The following ARHGEF28 variants were observed in gnomAD, a reference collection of about 807,000 sequenced individuals.
The protein encoded by ARHGEF28 is 190 kDa guanine nucleotide exchange factor.
In ARHGEF28, 152 loss-of-function variants were observed where a neutral mutation model predicts 206.6. The ratio of observed to expected loss-of-function variants is 0.74; its 90% CI spans 0.64 to 0.84. The LOEUF is 0.84. Ranked by LOEUF, ARHGEF28 falls within the 40% of genes least tolerant of loss-of-function variation. ARHGEF28 has a pLI of 0.00. For missense variants in ARHGEF28, 2,028 were observed against 2,073.2 expected (o/e 0.98, Z 0.42); for synonymous variants, 763 against 776.4 (o/e 0.98, Z 0.29).
chr5:73,877,420 C>T (rs1262391232), intron 22 of ARHGEF28, among the ~76,000 whole-genome samples: 21 of 148,554 alleles, frequency 1.4e-4, no homozygotes, highest in Non-Finnish European at 2.7e-4. Flanking sequence ...TCTCTATTTC[C>T]TTCAGTTCTG....
intron 2 of ARHGEF28, among the ~76,000 whole-genome samples, chr5:73,743,550 A>G (rs867996910): frequency 6.6e-6 from 1 of 152,208 alleles, no homozygotes; most frequent in African/African-American, 2.4e-5. Context: ...GCATTCTGAT[A>G]TTTCCCCCTG....
At chr5:73,666,674 A>G (rs949992820) in intron 1 of ARHGEF28, among the ~76,000 whole-genome samples, 4 of 152,206 alleles carry the variant, frequency 2.6e-5, no homozygotes, top group Non-Finnish European at 5.9e-5. Flanking sequence ...TTTATTTCTC[A>G]TAAAGGGTTG....
chr5:73,715,721 C>A (rs970447166), intron 2 of ARHGEF28, among the ~76,000 whole-genome samples: 1 of 152,148 alleles, frequency 6.6e-6, no homozygotes, highest in African/African-American at 2.4e-5. Flanking sequence ...TAGAAGATGC[C>A]AGGTACCTGC....
intron 1 of ARHGEF28, among the ~76,000 whole-genome samples, chr5:73,680,434 CAAAAAAAAAAAA>C (rs71615795): frequency 2.0e-4 from 6 of 30,514 alleles, no homozygotes; most frequent in South Asian, 2.3e-3. Context: ...GACTCCATCT[CAAAAAAAAAAAA>C]AAAAAAAAAA....
intron 9 of ARHGEF28, 97 bp from the exon 10 acceptor site, chr5:73,832,241 C>T: frequency 7.1e-7 from 1 of 1,405,468 alleles, no homozygotes; most frequent in Non-Finnish European, 9.5e-7. Flanking sequence ...TTAAAAAATG[C>T]ACTTGACTTT....
At chr5:73,770,695 T>C in intron 4 of ARHGEF28, among the ~76,000 whole-genome samples, 1 of 152,234 alleles carries the variant, frequency 6.6e-6, no homozygotes, top group East Asian at 1.9e-4. Flanking sequence ...TTTGCCTCGC[T>C]CTGCACTCTG....
chr5:73,752,217 C>A lies in ARHGEF28; in HGVS notation c.182-692C>A, dbSNP rs6893492. Among the ~76,000 whole-genome samples the A allele has an allele frequency of 5.3e-3, 811 of 152,088 alleles. 8 individuals carry two copies. Among genetic ancestry groups the A allele is most frequent in the African/African-American group, 0.015 (613 of 41,488 alleles). ...CTGGGTAAGAGCTTCCCAGCTCTGG[C>A]AAAATAAGAGAGTGGGGCAAAGAAG... On this transcript the variant is annotated intron_variant, in intron 3 of 35. Transcript: ENST00000513042.
chr5:73,931,465 T>C (rs1764113301), intron 35 of ARHGEF28, among the ~76,000 whole-genome samples: 1 of 152,200 alleles, frequency 6.6e-6, no homozygotes, highest in Non-Finnish European at 1.5e-5. Flanking sequence ...TAACTGTTGC[T>C]GGTTGGAAAT....
intron 1 of ARHGEF28, among the ~76,000 whole-genome samples, chr5:73,669,458 T>C (rs1231054908): frequency 6.6e-6 from 1 of 152,222 alleles, no homozygotes; most frequent in Non-Finnish European, 1.5e-5. Context: ...GGAAACATTT[T>C]ATAAAACTAT....
chr5:73,795,818 A>G (rs911597653), intron 9 of ARHGEF28, among the ~76,000 whole-genome samples: 3 of 152,248 alleles, frequency 2.0e-5, no homozygotes, highest in Admixed American at 6.5e-5. Flanking sequence ...TCCCATTTTG[A>G]TGCCCAGTGG....
rs142784061 is a variant in ARHGEF28, at chr5:73,659,662, A to G, written c.-11-25179A>G. Among the ~76,000 whole-genome samples the G allele has an allele frequency of 4.1e-3, 621 of 152,342 alleles. 1 individual carries two copies. Among genetic ancestry groups the G allele is most frequent in the South Asian group, 0.025 (122 of 4,830 alleles). Reference sequence around the variant, plus strand: ...TACTGATTAAGTAATGACCTTATACAGGCATATCTTGAAGATATTACAATT... The same window carrying G: ...TACTGATTAAGTAATGACCTTATACGGGCATATCTTGAAGATATTACAATT... On this transcript the variant is annotated intron_variant, in intron 1 of 35. Transcript: ENST00000513042.
chr5:73,772,781 T>C (rs2112445242), intron 4 of ARHGEF28, among the ~76,000 whole-genome samples: 1 of 152,318 alleles, frequency 6.6e-6, no homozygotes, highest in Admixed American at 6.5e-5. Context: ...TTAAGATTGC[T>C]TTTAGGGTTC....
At chr5:73,856,490 G>T (rs1759046651) in intron 14 of ARHGEF28, among the ~76,000 whole-genome samples, 1 of 151,452 alleles carries the variant, frequency 6.6e-6, no homozygotes, top group Non-Finnish European at 1.5e-5. Flanking sequence ...TTTTCTAAAT[G>T]CATTAATAGG....
rs748935856 is a variant in ARHGEF28 at position 73,868,108 on chromosome 5, G to A, written c.2306G>A (p.Arg769Lys). Residue 769 changes from arginine to lysine, a missense_variant, in exon 20 of 36, where the codon AGG becomes AAG. Coordinates refer to ENST00000513042, the MANE Select transcript of ARHGEF28 (RefSeq NM_001177693.2). The part of the protein sequence containing the change: ...VPGTTLESFR[R>K]SATSLESESD... Reference sequence around the variant, plus strand: ...CCCTCCCTCTCTCCTAGCTTCAGGAGGTCAGCCACATCCTTGGAGTCTGAG... The same window carrying A: ...CCCTCCCTCTCTCCTAGCTTCAGGAAGTCAGCCACATCCTTGGAGTCTGAG... 14 of 1,612,238 alleles carry A rather than the reference G, an allele frequency of 8.7e-6. 1 individual carries two copies. In the South Asian group the frequency reaches 1.5e-4, roughly 18 times the overall value.
chr5:73,888,049 G>GC (rs1761409068), intron 26 of ARHGEF28, among the ~76,000 whole-genome samples: 1 of 152,182 alleles, frequency 6.6e-6, no homozygotes, highest in East Asian at 1.9e-4. Flanking sequence ...CGCCCCTTCG[G>GC]CCCCCAAACC....
intron 2 of ARHGEF28, among the ~76,000 whole-genome samples, chr5:73,704,380 G>A (rs568146603): frequency 2.0e-5 from 3 of 152,276 alleles, no homozygotes; most frequent in Admixed American, 6.5e-5. Context: ...GAGGCAGGAA[G>A]CCTGGCTGTG....
At chr5:73,831,682 A>AAT (rs1178188085) in intron 9 of ARHGEF28, among the ~76,000 whole-genome samples, 1 of 152,120 alleles carries the variant, frequency 6.6e-6, no homozygotes, top group Non-Finnish European at 1.5e-5. Flanking sequence ...AATAAAGGGA[A>AAT]ATGTATAGTT....
intron 9 of ARHGEF28, among the ~76,000 whole-genome samples, chr5:73,805,511 G>A (rs1177562974): frequency 6.6e-6 from 1 of 152,138 alleles, no homozygotes; most frequent in Non-Finnish European, 1.5e-5. Flanking sequence ...CTGTCCTTTG[G>A]TTGATACAGT....
At chr5:73,900,907 A>G in intron 30 of ARHGEF28, 1 of 291,354 alleles carries the variant, frequency 3.4e-6, no homozygotes. Flanking sequence ...CACAAACGAC[A>G]CACGAACACT....
Sources: gnomAD v4.1 joint callset for allele counts (sites outside exome capture counted in the v4.1 genomes callset) on GRCh38, gnomAD v4.1.1 for gene constraint, MANE v1.5 for transcripts, NCBI Gene and HGNC (gene_info 2026-07-23, HGNC 2026-07-21) for gene names.